CCDC50: variants seen among roughly 807,000 people sequenced by gnomAD.
CCDC50 encodes coiled-coil domain containing 50.
Under a neutral mutation model 70.2 loss-of-function variants are expected in CCDC50, and 54 were observed. The observed-to-expected ratio is 0.77, with a 90% CI of 0.62 to 0.96. The LOEUF is 0.96. Ranked by LOEUF, CCDC50 falls within the 50% of genes least tolerant of loss-of-function variation. The probability of loss-of-function intolerance (pLI) is 0.00; values close to 1 mark genes in which losing one functional copy is unlikely to be tolerated. For missense variants in CCDC50, 558 were observed against 578.7 expected, an observed-to-expected ratio of 0.96 and a Z score of 0.37; for synonymous variants, 216 against 198.8, an observed-to-expected ratio of 1.09 and a Z score of -0.73.
At chr3:191,339,355 T>C (rs1237181370) in intron 1 of CCDC50, among the ~76,000 whole-genome samples, 1 of 152,198 alleles carries the variant, frequency 6.6e-6, no homozygotes, top group Non-Finnish European at 1.5e-5. Context: ...GGAGTTATGA[T>C]ATAAAATTTT....
intron 1 of CCDC50, among the ~76,000 whole-genome samples, chr3:191,329,947 G>C (rs796994464): frequency 2.1e-4 from 30 of 142,684 alleles, no homozygotes; most frequent in African/African-American, 5.6e-4. Flanking sequence ...GTGGTTGGGG[G>C]GGGGGGGGGC....
chr3:191,370,798 CT>C (rs1712887007), intron 5 of CCDC50, among the ~76,000 whole-genome samples: 1 of 152,054 alleles, frequency 6.6e-6, no homozygotes, highest in African/African-American at 2.4e-5. Flanking sequence ...CTTATCTGTT[CT>C]TTAGTTGGAC....
At chr3:191,348,944 A>G (rs1057227791) in intron 1 of CCDC50, among the ~76,000 whole-genome samples, 1 of 142,050 alleles carries the variant, frequency 7.0e-6, no homozygotes, top group African/African-American at 2.5e-5. Flanking sequence ...CCTGAAAGTG[A>G]GAAATTTTAG....
chr3:191,358,207 T>G, intron 3 of CCDC50, 83 bp downstream of exon 3: 1 of 1,517,568 alleles, frequency 6.6e-7, no homozygotes. Flanking sequence ...AGAAGGAGAC[T>G]ACTTCTGTTC....
chr3:191,344,150 A>C (rs781598753), intron 1 of CCDC50, among the ~76,000 whole-genome samples: 3 of 152,226 alleles, frequency 2.0e-5, no homozygotes, highest in Non-Finnish European at 4.4e-5. Context: ...GCAAGCACAC[A>C]TGCTTGTGCA....
chr3:191,329,987 T>C (rs950819932), intron 1 of CCDC50, among the ~76,000 whole-genome samples: 1 of 149,032 alleles, frequency 6.7e-6, no homozygotes, highest in Non-Finnish European at 1.5e-5. Context: ...TAGGTGGCTG[T>C]GCCCGTGTTC....
Position 191,380,153 on chromosome 3 carries a change from TTA to T in CCDC50, c.977-5_977-4del. 1.3e-6 allele frequency: 2 copies of T among 1,486,646 alleles called. No homozygotes were observed. Among genetic ancestry groups the T allele is most frequent in the Non-Finnish European group, 1.9e-6 (2 of 1,075,508 alleles). The allele number at this position is 1,486,646 out of a possible 1,614,324, so 92.1% of individuals were successfully genotyped here. A position where few individuals can be genotyped will look rare whatever the true frequency, so the allele number is the denominator to read the frequency against. On this transcript the variant is annotated splice_region_variant and splice_polypyrimidine_tract_variant and intron_variant, in intron 6 of 11. Transcript: ENST00000392455. ...TATTACATTGAGTTTTTTTTTTTTT[TTA>T]AAGGAATGAAGCCAAGAGTGATGAA... is the stretch of plus-strand genomic sequence containing the variant.
intron 1 of CCDC50, among the ~76,000 whole-genome samples, chr3:191,356,455 G>A (rs1712284709): frequency 6.6e-6 from 1 of 152,190 alleles, no homozygotes; most frequent in African/African-American, 2.4e-5. Context: ...TTATTTTGGG[G>A]CAGCCCAAGG....
At chr3:191,354,763 GGT>G in intron 1 of CCDC50, among the ~76,000 whole-genome samples, 1 of 152,082 alleles carries the variant, frequency 6.6e-6, no homozygotes, top group East Asian at 1.9e-4. Flanking sequence ...TGTGGGGTGG[GGT>G]GTAGAGGTGG....
At chr3:191,364,780 T>G (rs559911975) in intron 4 of CCDC50, among the ~76,000 whole-genome samples, 1 of 151,366 alleles carries the variant, frequency 6.6e-6, no homozygotes, top group Non-Finnish European at 1.5e-5. Context: ...GAAAAAAAAA[T>G]TTTTTTTTCG....
intron 6 of CCDC50, among the ~76,000 whole-genome samples, chr3:191,379,626 G>A (rs390744): frequency 6.6e-6 from 1 of 151,768 alleles, no homozygotes; most frequent in African/African-American, 2.4e-5. Context: ...ACTCTCAGAG[G>A]AAAAGCCATG....
chr3:191,373,531 C>T (rs1435061), intron 5 of CCDC50, among the ~76,000 whole-genome samples: 73,379 of 151,838 alleles, frequency 0.48, 18,896 homozygotes, highest in African/African-American at 0.68. Flanking sequence ...TTATTAACAC[C>T]GTAAACCATT....
At chr3:191,376,530 GT>G (rs1293415551) in intron 6 of CCDC50, among the ~76,000 whole-genome samples, 1 of 152,124 alleles carries the variant, frequency 6.6e-6, no homozygotes, top group Non-Finnish European at 1.5e-5. Context: ...AGCTCTATCT[GT>G]GGTCAGAGAA....
rs1168109906 is a variant in CCDC50 at position 191,329,633 on chromosome 3, G to C, written c.-42G>C. ...GCCCCGCTCGGCGCCGGCGGTGACC[G>C]GGAAGCCCGCGTTAAAGGGGCAACC... On this transcript the variant is annotated 5_prime_UTR_variant, in exon 1 of 12. Coordinates refer to ENST00000392455, the MANE Select transcript of CCDC50 (RefSeq NM_178335.3). 14 of 1,589,284 alleles carry C rather than the reference G, an allele frequency of 8.8e-6. No individual in the cohort carries two copies. Among genetic ancestry groups the C allele is most frequent in the Middle Eastern group, 3.4e-4 (2 of 5,910 alleles).
At position 191,397,993 on chromosome 3, in the gene CCDC50, CT is replaced by C. The variant is rs1398964019; in HGVS notation, c.*6234del. 3 of 152,234 alleles carry C rather than the reference CT, an allele frequency of 2.0e-5. No homozygotes were observed. Among genetic ancestry groups the C allele is most frequent in the African/African-American group, 7.2e-5 (3 of 41,438 alleles). The allele number at this position is 152,234 out of a possible 1,614,324, so 9.4% of individuals were successfully genotyped here. A position where few individuals can be genotyped will look rare whatever the true frequency, so the allele number is the denominator to read the frequency against. On this transcript the variant is annotated 3_prime_UTR_variant, in exon 12 of 12. Coordinates refer to ENST00000392455, the MANE Select transcript of CCDC50 (RefSeq NM_178335.3). ...CCTTAAAGATGACCAGTGGTGGGTTCTGATGGGAATATATACACTCATCTGG... is the reference window on the plus strand; with the variant it reads ...CCTTAAAGATGACCAGTGGTGGGTTCGATGGGAATATATACACTCATCTGG...
chr3:191,330,830 A>G (rs1717956439), intron 1 of CCDC50, among the ~76,000 whole-genome samples: 1 of 152,196 alleles, frequency 6.6e-6, no homozygotes, highest in Non-Finnish European at 1.5e-5. Context: ...CAGAGTTTCA[A>G]GCACTAGGAG....
intron 9 of CCDC50, among the ~76,000 whole-genome samples, chr3:191,382,208 C>T (rs932593303): frequency 6.6e-6 from 1 of 152,142 alleles, no homozygotes; most frequent in Non-Finnish European, 1.5e-5. Flanking sequence ...TAGCAGGTAT[C>T]ATCATGACTT....
chr3:191,339,989 C>A (rs143558297), intron 1 of CCDC50, among the ~76,000 whole-genome samples: 59 of 152,250 alleles, frequency 3.9e-4, no homozygotes, highest in African/African-American at 1.3e-3. Flanking sequence ...TGAAAGTTAG[C>A]ATGGCAATTA....
At chr3:191,358,424 C>T (rs754584251) in intron 3 of CCDC50, among the ~76,000 whole-genome samples, 16 of 152,144 alleles carry the variant, frequency 1.1e-4, no homozygotes, top group African/African-American at 3.6e-4. Flanking sequence ...CCATAACATG[C>T]GGATAATAAT....
Sources: gnomAD v4.1 joint callset for allele counts (sites outside exome capture counted in the v4.1 genomes callset) on GRCh38, gnomAD v4.1.1 for gene constraint, MANE v1.5 for transcripts, NCBI Gene and HGNC (gene_info 2026-07-23, HGNC 2026-07-21) for gene names.